The following TGM6 variants were observed in gnomAD, a reference collection of about 807,000 sequenced individuals.
TGM6 encodes transglutaminase 6.
TGM6 carries 74 observed loss-of-function variants against 77.5 expected under a neutral mutation model. The observed-to-expected ratio is 0.96, with a 90% confidence interval of 0.79 to 1.16. The LOEUF is 1.16. TGM6 is among the 50% of genes most tolerant of loss of function. The pLI, the probability that TGM6 is intolerant of heterozygous loss-of-function variation, is 0.00. For synonymous variants in TGM6, 383 were observed against 378.9 expected (o/e 1.01, Z -0.12); for missense variants, 968 against 940.2 (o/e 1.03, Z -0.39).
intron 1 of TGM6, among the ~76,000 whole-genome samples, chr20:2,384,319 A>G (rs2084578640): frequency 6.6e-6 from 1 of 152,020 alleles, no homozygotes; most frequent in South Asian, 2.1e-4. Context: ...ACCCCATTTA[A>G]TCCTCCTCGA....
Position 2,394,503 on chromosome 20 carries a change from A to G in TGM6, c.59A>G (p.His20Arg), listed in dbSNP as rs2084648781. The change falls in exon 2 of 13, where the codon CAC becomes CGC. Residue 20 changes from histidine (H) to arginine (R), a missense_variant. By Grantham distance (29) the His-to-Arg change is conservative (BLOSUM62 0). Transcript: ENST00000202625. ...CAGCGGTCGAGGAATGGCGCTGCCC[A>G]CCACACCCAGGAGTACCCCTGCCCT... ...DWQRSRNGAA[H>R]HTQEYPCPEL... 1.2e-6 allele frequency: 2 copies of G among 1,611,616 alleles called. No homozygotes were observed. Among genetic ancestry groups the G allele is most frequent in the African/African-American group, 1.3e-5 (1 of 74,970 alleles).
chr20:2,403,836 T>A lies in TGM6; in HGVS notation c.1336+13T>A, dbSNP rs756678657. 6.2e-7 allele frequency: 1 copy of A among 1,614,006 alleles called. No homozygotes were observed. Among genetic ancestry groups the A allele is most frequent in the East Asian group, 2.2e-5 (1 of 44,872 alleles). On this transcript the variant is annotated intron_variant, in intron 9 of 12. Transcript: ENST00000202625. ...AAGTATCCGGAAGGTAAGGGCCACA[T>A]GGCGGCCTTTATTACCTTCCCCCGG... is the stretch of plus-strand genomic sequence containing the variant.
At chr20:2,417,092 A>G (rs2084821166) in intron 9 of TGM6, 140 bp from the exon 10 acceptor site, 2 of 753,416 alleles carry the variant, frequency 2.7e-6, no homozygotes, top group East Asian at 5.4e-5. Context: ...TTAAAACTTT[A>G]TTTACATAGA....
chr20:2,419,079 C>T (rs1306433890), intron 10 of TGM6, among the ~76,000 whole-genome samples: 3 of 152,188 alleles, frequency 2.0e-5, no homozygotes, highest in Non-Finnish European at 4.4e-5. Flanking sequence ...AATGTATCCT[C>T]TTTGATTATT....
At chr20:2,401,077 C>T (rs1035963615) in intron 7 of TGM6, among the ~76,000 whole-genome samples, 1 of 151,952 alleles carries the variant, frequency 6.6e-6, no homozygotes, top group African/African-American at 2.4e-5. Context: ...TCGTGGCAGG[C>T]GCCTGTAGTC....
rs547791221 is a variant in TGM6, at chr20:2,431,825, C to T, written c.1968-665C>T. On this transcript the variant is annotated intron_variant, in intron 12 of 12. Transcript: ENST00000202625. ...TGCCAGGCAAAGGTCTTGGTGTCAACACCTGATGGCTGGTGTTGTCAGGGA... is the reference window on the plus strand; with the variant it reads ...TGCCAGGCAAAGGTCTTGGTGTCAATACCTGATGGCTGGTGTTGTCAGGGA... Among the ~76,000 whole-genome samples the T allele has an allele frequency of 6.5e-4, 99 of 152,296 alleles. 1 individual carries two copies. The highest frequency in any genetic ancestry group is 2.2e-3 in the African/African-American group (92 of 41,570).
At chr20:2,408,491 C>G (rs2084765877) in intron 9 of TGM6, among the ~76,000 whole-genome samples, 1 of 152,144 alleles carries the variant, frequency 6.6e-6, no homozygotes, top group Non-Finnish European at 1.5e-5. Flanking sequence ...ACTGAGAGTT[C>G]TAGGATGGCA....
rs769466837 is a variant in TGM6, at chr20:2,398,054, G to A, written c.672+8G>A. 2 of 1,614,118 alleles carry A rather than the reference G, an allele frequency of 1.2e-6. No individual in the cohort carries two copies. Among genetic ancestry groups the A allele is most frequent in the Non-Finnish European group, 1.7e-6 (2 of 1,180,014 alleles). On this transcript the variant is annotated splice_region_variant and intron_variant, in intron 5 of 12. Coordinates refer to ENST00000202625, the MANE Select transcript of TGM6 (RefSeq NM_198994.3). The stretch of plus-strand genomic sequence containing the variant: ...AGGGTCATCAGTGCCATGGTGAGAA[G>A]CCCCTCCATCCCTGCACATGTACTT...
intron 10 of TGM6, among the ~76,000 whole-genome samples, chr20:2,418,853 G>A (rs2084836130): frequency 1.3e-5 from 2 of 151,914 alleles, no homozygotes; most frequent in African/African-American, 4.8e-5. Context: ...AAGGCGGGTG[G>A]ATCACGAGGT....
chr20:2,427,308 ACT>A (rs2084894377), intron 10 of TGM6, among the ~76,000 whole-genome samples: 1 of 151,406 alleles, frequency 6.6e-6, no homozygotes, highest in Admixed American at 6.6e-5. Context: ...ATATTCCTTT[ACT>A]CTCTGTTTTT....
chr20:2,392,304 C>T (rs1029674278), intron 1 of TGM6, among the ~76,000 whole-genome samples: 2 of 152,226 alleles, frequency 1.3e-5, no homozygotes, highest in South Asian at 2.1e-4. Flanking sequence ...CAACTCTTTC[C>T]TGGAGACACT....
chr20:2,391,994 T>A (rs911324870), intron 1 of TGM6, among the ~76,000 whole-genome samples: 1 of 152,238 alleles, frequency 6.6e-6, no homozygotes. Flanking sequence ...TTTAAGCTGT[T>A]GCTTATAGTA....
chr20:2,427,594 C>T (rs1457576989), intron 10 of TGM6, among the ~76,000 whole-genome samples: 2 of 152,188 alleles, frequency 1.3e-5, no homozygotes, highest in Admixed American at 6.5e-5. Flanking sequence ...ATGAGTTTAA[C>T]GTGTTCTCCT....
rs940797436 is a variant in TGM6, at chr20:2,395,441, G to C, written c.424+5G>C. The C allele has an allele frequency of 1.9e-6, 3 of 1,614,138 alleles. No homozygotes were observed. The highest frequency in any genetic ancestry group is 2.5e-6 in the Non-Finnish European group (3 of 1,180,060). On this transcript the variant is annotated splice_donor_5th_base_variant and intron_variant, in intron 3 of 12. Coordinates refer to ENST00000202625, the MANE Select transcript of TGM6 (RefSeq NM_198994.3). ...TTTTCAACCCATGGTGTGCAGGTAG[G>C]AGTGGCCAAGTCCAATGCAGAGGTT...
chr20:2,417,676 A>ATGTCCCCTTCCTTCCT, intron 10 of TGM6, 103 bp downstream of exon 10: 2 of 1,295,416 alleles, frequency 1.5e-6, no homozygotes, highest in Non-Finnish European at 2.2e-6. Flanking sequence ...ATCCCCAGGA[A>ATGTCCCCTTCCTTCCT]GGAAGGGGAC....
chr20:2,432,160 T>C (rs1416096882), intron 12 of TGM6, among the ~76,000 whole-genome samples: 2 of 152,172 alleles, frequency 1.3e-5, no homozygotes, highest in African/African-American at 4.8e-5. Flanking sequence ...GCGATTCTCC[T>C]GTCTCAGCTT....
chr20:2,409,503 G>A (rs1164809099), intron 9 of TGM6, among the ~76,000 whole-genome samples: 2 of 152,152 alleles, frequency 1.3e-5, no homozygotes, highest in African/African-American at 4.8e-5. Context: ...CCTGAGGTCA[G>A]GAGTTCGAGA....
chr20:2,403,429 C>G lies in TGM6; in HGVS notation c.1022C>G (p.Ala341Gly), dbSNP rs375791613. Residue 341 changes from alanine (A) to glycine (G), a missense_variant, in exon 8 of 13, where the codon GCC (alanine) becomes GGC (glycine). Coordinates refer to ENST00000202625, the MANE Select transcript of TGM6 (RefSeq NM_198994.3). ...NFHVWNESWF[A>G]RQDLGPSYNG... Reference sequence around the variant, plus strand: ...CATGTCTGGAATGAGAGCTGGTTTGCCCGGCAGGACCTAGGCCCCTCTTAC... The same window carrying G: ...CATGTCTGGAATGAGAGCTGGTTTGGCCGGCAGGACCTAGGCCCCTCTTAC... The G allele has an allele frequency of 6.2e-7, 1 of 1,614,162 alleles. No homozygotes were observed. The highest frequency in any genetic ancestry group is 8.5e-7 in the Non-Finnish European group (1 of 1,180,032).
chr20:2,383,880 A>G (rs754766042), intron 1 of TGM6, among the ~76,000 whole-genome samples: 2 of 151,982 alleles, frequency 1.3e-5, no homozygotes, highest in East Asian at 1.9e-4. Flanking sequence ...GGCCAAGGTG[A>G]GCGGATCATG....
Sources: gnomAD v4.1 joint callset for allele counts (sites outside exome capture counted in the v4.1 genomes callset) on GRCh38, gnomAD v4.1.1 for gene constraint, MANE v1.5 for transcripts, NCBI Gene and HGNC (gene_info 2026-07-23, HGNC 2026-07-21) for gene names.